Variants in MRC1 observed in about 807,000 individuals in gnomAD.
MRC1 encodes macrophage mannose receptor 1.
Under a neutral mutation model 102.9 loss-of-function variants are expected in MRC1, and 62 were observed. The ratio of observed to expected loss-of-function variants is 0.60; its 90% confidence interval spans 0.49 to 0.74. The LOEUF (loss-of-function observed/expected upper bound fraction) is 0.74, where lower values mean the gene tolerates loss of function less well. Among genes scored for constraint, MRC1 ranks in the 30% least tolerant of loss-of-function variants. The pLI, the probability that MRC1 is intolerant of heterozygous loss-of-function variation, is 0.00. For missense variants in MRC1, 1,237 were observed against 862.8 expected, an observed-to-expected ratio of 1.43 and a Z score of -5.43; for synonymous variants, 457 against 298.4, an observed-to-expected ratio of 1.53 and a Z score of -5.48.
At chr10:17,851,557 G>C (rs2130645120) in intron 7 of MRC1, among the ~76,000 whole-genome samples, 1 of 152,208 alleles carries the variant, frequency 6.6e-6, no homozygotes, top group African/African-American at 2.4e-5. Flanking sequence ...TATTTTTCTA[G>C]GATCAAGATT....
At chr10:17,893,807 T>C (rs1015814083) in intron 22 of MRC1, among the ~76,000 whole-genome samples, 1 of 152,250 alleles carries the variant, frequency 6.6e-6, no homozygotes, top group Admixed American at 6.5e-5. Context: ...CAATGAAATA[T>C]ATAGATCATG....
At chr10:17,848,147 T>C (rs1377982100) in intron 6 of MRC1, among the ~76,000 whole-genome samples, 1 of 152,146 alleles carries the variant, frequency 6.6e-6, no homozygotes, top group Non-Finnish European at 1.5e-5. Context: ...ATCAAAGGAA[T>C]AGTGAAGAAA....
intron 17 of MRC1, among the ~76,000 whole-genome samples, chr10:17,876,103 C>G (rs1259392990): frequency 6.6e-6 from 1 of 151,988 alleles, no homozygotes; most frequent in Non-Finnish European, 1.5e-5. Context: ...AATTGGTACC[C>G]CCTAGTAGAA....
chr10:17,831,847 A>C (rs1260233656), intron 3 of MRC1, among the ~76,000 whole-genome samples: 1 of 151,668 alleles, frequency 6.6e-6, no homozygotes, highest in African/African-American at 2.4e-5. Flanking sequence ...ACTATCAATA[A>C]TATTTATTTG....
chr10:17,870,802 G>T, intron 13 of MRC1, 46 bp from the exon 14 acceptor site: 1 of 869,528 alleles, frequency 1.2e-6, no homozygotes, highest in Admixed American at 1.7e-5. Context: ...TACTGAACTT[G>T]CTTCATGCAA....
intron 3 of MRC1, 150 bp downstream of exon 3, chr10:17,827,865 A>T: frequency 1.5e-6 from 1 of 656,280 alleles, no homozygotes; most frequent in Non-Finnish European, 2.8e-6. Context: ...AGACGTTATT[A>T]TTTCCATTTT....
At chr10:17,880,464 T>A (rs1833498114) in intron 19 of MRC1, 61 bp from the exon 20 acceptor site, 1 of 770,464 alleles carries the variant, frequency 1.3e-6, no homozygotes, top group East Asian at 2.4e-5. Flanking sequence ...ATATATTTTT[T>A]AAAATAATGT....
At position 17,901,014 on chromosome 10, in the gene MRC1, C is replaced by T. The variant is rs941599460; in HGVS notation, c.3649+61C>T. The T allele has an allele frequency of 1.7e-4, 130 of 750,056 alleles. 1 individual carries two copies. Among genetic ancestry groups the T allele is most frequent in the Admixed American group, 9.2e-4 (51 of 55,508 alleles). The allele number at this position is 750,056 out of a possible 1,614,324, so 46.5% of individuals were successfully genotyped here. A position where few individuals can be genotyped will look rare whatever the true frequency, so the allele number is the denominator to read the frequency against. On this transcript the variant is annotated intron_variant, in intron 25 of 29. Transcript: ENST00000569591. ...AAATTTCTGAATAAGCTACTACATA[C>T]CACTGTTGATATTATTAAACAGTAA...
At position 17,910,672 on chromosome 10, in the gene MRC1, TA is replaced by T; in HGVS notation, c.*208del. ...AAAGAGGGATAACAATGCTGATTAC[TA>T]CCTTTTAAAATATTTTAGATAAATG... On this transcript the variant is annotated 3_prime_UTR_variant, in exon 30 of 30. Coordinates refer to ENST00000569591, the MANE Select transcript of MRC1 (RefSeq NM_002438.4). 1 of 613,356 alleles carries T rather than the reference TA, an allele frequency of 1.6e-6. No homozygotes were observed. The highest frequency in any genetic ancestry group is 2.9e-6 in the Non-Finnish European group (1 of 344,600). 38.0% of individuals were successfully genotyped at this position (613,356 alleles called of 1,614,324 possible).
intron 23 of MRC1, among the ~76,000 whole-genome samples, chr10:17,895,493 T>C (rs2130711232): frequency 6.6e-6 from 1 of 152,258 alleles, no homozygotes; most frequent in Non-Finnish European, 1.5e-5. Context: ...CTTTAATTCA[T>C]GTAATTTAAG....
intron 6 of MRC1, among the ~76,000 whole-genome samples, chr10:17,847,031 G>A (rs1205411265): frequency 3.3e-5 from 5 of 152,148 alleles, no homozygotes; most frequent in African/African-American, 7.2e-5. Flanking sequence ...ATATAGATGC[G>A]GGACCTGGAT....
chr10:17,888,704 G>A (rs1833634291), intron 22 of MRC1, among the ~76,000 whole-genome samples: 1 of 152,120 alleles, frequency 6.6e-6, no homozygotes, highest in African/African-American at 2.4e-5. Flanking sequence ...CTTGGTGAAT[G>A]TTTCATGTGA....
chr10:17,900,751 C>A, intron 24 of MRC1, 37 bp from the exon 25 acceptor site: 2 of 780,614 alleles, frequency 2.6e-6, no homozygotes, highest in South Asian at 1.3e-5. Context: ...CTAAATGAAG[C>A]AAGGCTGCAT....
intron 6 of MRC1, among the ~76,000 whole-genome samples, chr10:17,846,903 T>TATGCACATCATAAATA (rs1173956479): frequency 6.6e-6 from 1 of 152,262 alleles, no homozygotes; most frequent in Non-Finnish European, 1.5e-5. Context: ...AATAACTATA[T>TATGCACATCATAAATA]ACATTCTATG....
chr10:17,869,036 G>A (rs1052165956), intron 12 of MRC1, among the ~76,000 whole-genome samples: 2 of 152,176 alleles, frequency 1.3e-5, no homozygotes, highest in Non-Finnish European at 2.9e-5. Flanking sequence ...TTTTCTGAGA[G>A]AATCAGCAGT....
At chr10:17,853,162 T>C (rs1838942227) in intron 8 of MRC1, 38 bp downstream of exon 8, 1 of 779,242 alleles carries the variant, frequency 1.3e-6, no homozygotes, top group Admixed American at 1.7e-5. Context: ...ATAATGAAAG[T>C]CACGGGGGAT....
chr10:17,873,752 C>T, intron 15 of MRC1, 32 bp from the exon 16 acceptor site: 1 of 870,810 alleles, frequency 1.1e-6, no homozygotes, highest in Non-Finnish European at 2.0e-6. Flanking sequence ...AGTTTAAGTA[C>T]ACTTTATTTC....
chr10:17,909,264 A>G, intron 28 of MRC1, 42 bp from the exon 29 acceptor site: 1 of 825,008 alleles, frequency 1.2e-6, no homozygotes, highest in Middle Eastern at 2.2e-4. Context: ...TCTACCTGCA[A>G]TTATTCTGGG....
chr10:17,900,967 T>A lies in MRC1; in HGVS notation c.3649+14T>A. ...AAAGATCAGATGGTAATTGAATATA[T>A]AAAAACAGTCAGGGGATCTGAAAAT... On this transcript the variant is annotated intron_variant, in intron 25 of 29. Transcript: ENST00000569591. The A allele has an allele frequency of 1.3e-6, 1 of 778,804 alleles. No homozygotes were observed. The highest frequency in any genetic ancestry group is 2.4e-5 in the East Asian group (1 of 41,220). The allele number at this position is 778,804 out of a possible 1,614,324, so 48.2% of individuals were successfully genotyped here. A position where few individuals can be genotyped will look rare whatever the true frequency, so the allele number is the denominator to read the frequency against.
Sources: allele counts gnomAD v4.1 joint callset (sites outside exome capture counted in the v4.1 genomes callset), GRCh38; gene constraint gnomAD v4.1.1; transcripts MANE v1.5; gene names NCBI Gene and HGNC (gene_info 2026-07-23, HGNC 2026-07-21).